Variants in DOC2A observed in about 807,000 individuals in gnomAD.
The protein encoded by DOC2A is double C2 domain alpha, also known as double C2-like domain-containing protein alpha.
In DOC2A, 28 loss-of-function variants were observed where a neutral mutation model predicts 40.6. The ratio of observed to expected loss-of-function variants is 0.69; its 90% CI spans 0.51 to 0.95. DOC2A has a LOEUF of 0.95. Ranked by LOEUF, DOC2A falls within the 40% of genes least tolerant of loss-of-function variation. The pLI is 0.00. For synonymous variants in DOC2A, 241 were observed against 236.9 expected, an observed-to-expected ratio of 1.02 and a Z score of -0.16; for missense variants, 474 against 552.5, an observed-to-expected ratio of 0.86 and a Z score of 1.42.
chr16:30,011,122 C>A (rs901824739), upstream of DOC2A: 3 of 700,622 alleles, frequency 4.3e-6, no homozygotes, highest in African/African-American at 5.8e-5. Context: ...GGGGCGGGAT[C>A]TCGGACTCCC....
upstream of DOC2A, among the ~76,000 whole-genome samples, chr16:30,014,197 A>C (rs1343189952): frequency 7.2e-6 from 1 of 138,954 alleles, no homozygotes; most frequent in Non-Finnish European, 1.5e-5. Context: ...TAAATATACA[A>C]GGTCTCACTA....
At chr16:30,011,787 TGTG>T (rs1361050480), upstream of DOC2A, 1 of 152,294 alleles carries the variant, frequency 6.6e-6, no homozygotes, top group Admixed American at 6.5e-5. Context: ...CCTCTCTCCT[TGTG>T]GCCCAACCCA....
At chr16:30,016,272 C>A (rs548041413), upstream of DOC2A, among the ~76,000 whole-genome samples, 11 of 151,512 alleles carry the variant, frequency 7.3e-5, no homozygotes, top group Non-Finnish European at 1.5e-4. Flanking sequence ...TGGTCTCGAA[C>A]TCCTGACCTC....
chr16:30,017,186 G>A (rs2070862889), upstream of DOC2A, among the ~76,000 whole-genome samples: 1 of 151,740 alleles, frequency 6.6e-6, no homozygotes, highest in Non-Finnish European at 1.5e-5. Context: ...GGCTGAGGCA[G>A]GATGATCGCT....
Position 30,007,246 on chromosome 16 carries a change from A to G in DOC2A, c.581T>C (p.Ile194Thr). ...KLSHNEFIGE[I>T]RVPLRRLKPS... ...CTTGAGGCGGCGGAGGGGCACGCGG[A>G]TCTCCCCAATAAACTCATTGTGACT... Residue 194 changes from isoleucine to threonine, a missense_variant, in exon 6 of 11, where the codon ATC becomes ACC. Coordinates refer to ENST00000350119, the MANE Select transcript of DOC2A (RefSeq NM_003586.3). 6.2e-7 allele frequency: 1 copy of G among 1,613,944 alleles called. No individual in the cohort carries two copies. Among genetic ancestry groups the G allele is most frequent in the Non-Finnish European group, 8.5e-7 (1 of 1,180,016 alleles).
At chr16:30,011,252 CCCCGCGCGCACACGCCCGTG>C, upstream of DOC2A, 4 of 915,582 alleles carry the variant, frequency 4.4e-6, no homozygotes, top group Non-Finnish European at 5.2e-6. Context: ...AACCGGGCAC[CCCCGCGCGCACACGCCCGTG>C]CCCACGTGTG....
chr16:30,005,999 G>A lies in DOC2A; in HGVS notation c.*187C>T, dbSNP rs535276291. ...GCAGGGACTAGCGAGTCAGGCAGGA[G>A]GTTTGCATATGTGAATATAGAACTC... On this transcript the variant is annotated 3_prime_UTR_variant, in exon 11 of 11. Transcript: ENST00000350119. 11 of 664,534 alleles carry A rather than the reference G, an allele frequency of 1.7e-5. No homozygotes were observed. The Admixed American group carries it at 3.3e-4, about 20-fold the overall frequency. The allele number at this position is 664,534 out of a possible 1,614,324, so 41.2% of individuals were successfully genotyped here. A position where few individuals can be genotyped will look rare whatever the true frequency, so the allele number is the denominator to read the frequency against.
rs1567283105 is a variant in DOC2A, at chr16:30,010,031, A to AGGGGGGGCCAGAGCC, written c.177_191dup (p.Leu61_Ala65dup). On this transcript the variant is annotated inframe_insertion, in exon 2 of 11. Coordinates refer to ENST00000350119, the MANE Select transcript of DOC2A (RefSeq NM_003586.3). This position sits in a 1 kb window ranked among gnomAD's most constrained non-coding sequence, Gnocchi z 4.2. ...GCGTGGTGGCCCCAAGGAGGGCTGCAGGGGGGGCCAGAGCCAGGGGGACCA... is the reference window on the plus strand; with the variant it reads ...GCGTGGTGGCCCCAAGGAGGGCTGCAGGGGGGGCCAGAGCCGGGGGGGCCAGAGCCAGGGGGACCA... 5 of 1,611,606 alleles carry AGGGGGGGCCAGAGCC rather than the reference A, an allele frequency of 3.1e-6. No individual in the cohort carries two copies. The highest frequency in any genetic ancestry group is 2.7e-5 in the African/African-American group (2 of 74,842).
upstream of DOC2A, chr16:30,011,459 C>T (rs1030765364): frequency 1.6e-4 from 152 of 977,258 alleles, 1 homozygote; most frequent in African/African-American, 2.4e-3. Flanking sequence ...CCCGCCCGCG[C>T]GCGCGGCCAC....
At chr16:30,008,959 C>T (rs754200718) in intron 5 of DOC2A, 37 bp downstream of exon 5, 42 of 1,403,130 alleles carry the variant, frequency 3.0e-5, no homozygotes, top group Middle Eastern at 2.2e-4. Context: ...CAGCTGTCCC[C>T]GAGCTGCTGC....
chr16:30,023,206 TC>T, upstream of DOC2A: 1 of 730,658 alleles, frequency 1.4e-6, no homozygotes, highest in Non-Finnish European at 2.3e-6. Flanking sequence ...ACCTCTCTTC[TC>T]CTCTCCTCTT....
At chr16:30,011,162 GCGCGCACACACACGTGTGCT>G (rs1230143376), upstream of DOC2A, 11 of 650,348 alleles carry the variant, frequency 1.7e-5, no homozygotes, top group Admixed American at 5.1e-4. Flanking sequence ...GCGCACGCGA[GCGCGCACACACACGTGTGCT>G]CGCGCGCGCA....
upstream of DOC2A, chr16:30,012,680 TA>T (rs35503706): frequency 0.35 from 41,169 of 116,742 alleles, 6,993 homozygotes; most frequent in South Asian, 0.43. Context: ...CACAGTCTCT[TA>T]AAAAAAAAAA....
At chr16:30,015,727 G>A (rs2070847965), upstream of DOC2A, among the ~76,000 whole-genome samples, 1 of 140,104 alleles carries the variant, frequency 7.1e-6, no homozygotes, top group Admixed American at 7.3e-5. Flanking sequence ...TTGAGACAGG[G>A]TCTCACTGTG....
rs1002182106 is a variant in DOC2A, at chr16:30,009,894, C to T, written c.262+67G>A. On this transcript the variant is annotated intron_variant, in intron 2 of 10. Transcript: ENST00000350119. This position sits in a 1 kb window ranked among gnomAD's most constrained non-coding sequence, Gnocchi z 4.1. ...CACAGCCAGCAGGGCCCATCCCCCTCTCCCCCCACCACGGCAAGCCTGGAG... is the reference window on the plus strand; with the variant it reads ...CACAGCCAGCAGGGCCCATCCCCCTTTCCCCCCACCACGGCAAGCCTGGAG... The T allele has an allele frequency of 6.3e-7, 1 of 1,596,642 alleles. No individual in the cohort carries two copies.
At chr16:30,022,779 T>C (rs944241239), upstream of DOC2A, among the ~76,000 whole-genome samples, 1 of 152,004 alleles carries the variant, frequency 6.6e-6, no homozygotes, top group Non-Finnish European at 1.5e-5. Context: ...CTACTAAAAA[T>C]ACAAAAATTA....
At position 30,010,960 on chromosome 16, in the gene DOC2A, G is replaced by GGAGA. The variant is rs2070761890; in HGVS notation, c.-72_-71insTCTC. 1.1e-5 allele frequency: 11 copies of GGAGA among 1,011,584 alleles called. No homozygotes were observed. The South Asian group carries it at 3.2e-4, about 29-fold the overall frequency. The allele number at this position is 1,011,584 out of a possible 1,614,324, so 62.7% of individuals were successfully genotyped here. On this transcript the variant is annotated 5_prime_UTR_variant, in exon 1 of 11. Coordinates refer to ENST00000350119, the MANE Select transcript of DOC2A (RefSeq NM_003586.3). The surrounding 1 kb of genome is among the most constrained non-coding windows in gnomAD (Gnocchi z 4.2). The stretch of plus-strand genomic sequence containing the variant: ...GGACGGCGGGCGCAGGCTGGGCGGC[G>GGAGA]GCGGCCGGCGAGGAGAGCGCGGAGT...
At chr16:30,019,899 T>A (rs1384918839) in intron 1 of DOC2A, among the ~76,000 whole-genome samples, 5 of 151,486 alleles carry the variant, frequency 3.3e-5, no homozygotes, top group African/African-American at 9.7e-5. Context: ...CATGCCTAGT[T>A]AATCTTTTTT....
upstream of DOC2A, chr16:30,011,351 C>T: frequency 2.0e-6 from 2 of 985,332 alleles, no homozygotes; most frequent in South Asian, 9.4e-5. Context: ...CGCACACACA[C>T]GCACTCGCAA....
Sources: gnomAD v4.1 joint callset for allele counts (sites outside exome capture counted in the v4.1 genomes callset) on GRCh38, gnomAD v4.1.1 for gene constraint, Gnocchi (gnomAD v3.1) non-coding constraint, MANE v1.5 for transcripts, NCBI Gene and HGNC (gene_info 2026-07-23, HGNC 2026-07-21) for gene names.